WDR27: variants seen among roughly 807,000 people sequenced by gnomAD.
WDR27 encodes the protein WD repeat domain 27, also known as WD repeat-containing protein 27.
WDR27 carries 100 observed loss-of-function variants against 114.4 expected under a neutral mutation model. The observed-to-expected ratio is 0.87, with a 90% confidence interval of 0.74 to 1.03. The LOEUF (loss-of-function observed/expected upper bound fraction) is 1.03, where lower values mean the gene tolerates loss of function less well. WDR27 is among the 50% of genes least tolerant of loss of function. The probability of loss-of-function intolerance (pLI) is 0.00; values close to 1 mark genes in which losing one functional copy is unlikely to be tolerated. For synonymous variants in WDR27, 449 were observed against 423.1 expected (o/e 1.06, Z -0.75); for missense variants, 1,129 against 1,092.9 (o/e 1.03, Z -0.47).
chr6:169,570,124 C>G (rs1801137837), intron 25 of WDR27, among the ~76,000 whole-genome samples: 2 of 152,112 alleles, frequency 1.3e-5, no homozygotes, highest in Non-Finnish European at 2.9e-5. Flanking sequence ...CACGTGGACT[C>G]GGCAGATCTC....
At chr6:169,661,182 G>A (rs1562855395) in intron 9 of WDR27, among the ~76,000 whole-genome samples, 2 of 152,214 alleles carry the variant, frequency 1.3e-5, no homozygotes, top group Admixed American at 6.5e-5. Context: ...CTGTGAAGAC[G>A]CTCGCTCTGA....
At chr6:169,645,036 T>TAAAAAAAAAAAAAAAAAAAAA (rs369797685) in intron 16 of WDR27, among the ~76,000 whole-genome samples, 68 of 76,946 alleles carry the variant, frequency 8.8e-4, no homozygotes, top group Non-Finnish European at 1.3e-3. Flanking sequence ...AAAAAAAAAA[T>TAAAAAAAAAAAAAAAAAAAAA]AAAAAAAAAA....
In WDR27 at chr6:169,659,504, T is replaced by A; in HGVS notation, c.1144A>T (p.Ser382Cys). Residue 382 changes from serine (S) to cysteine (C), a missense_variant, in exon 11 of 26, where the codon AGC becomes TGC. Transcript: ENST00000448612. This position sits in a 1 kb window ranked among gnomAD's most constrained non-coding sequence, Gnocchi z 4.3. ...ALYYKDFQSL[S>C]ILLAGSCALR... is the part of the protein sequence containing the mutation. ...GCACACGATCCGGCCAGCAGGATGCTGAGGCTCTGGAAATCTTCAGTTGAG... is the reference window on the plus strand; with the variant it reads ...GCACACGATCCGGCCAGCAGGATGCAGAGGCTCTGGAAATCTTCAGTTGAG... 1 of 1,609,798 alleles carries A rather than the reference T, an allele frequency of 6.2e-7. No homozygotes were observed. Among genetic ancestry groups the A allele is most frequent in the South Asian group, 1.1e-5 (1 of 90,006 alleles).
chr6:169,551,501 A>C (rs1206655294), intron 25 of WDR27, among the ~76,000 whole-genome samples: 1 of 152,090 alleles, frequency 6.6e-6, no homozygotes, highest in Non-Finnish European at 1.5e-5. Context: ...TTAGGAGGCC[A>C]AGGTGGATGG....
intron 23 of WDR27, among the ~76,000 whole-genome samples, chr6:169,589,531 C>T (rs986043080): frequency 1.3e-5 from 2 of 152,112 alleles, no homozygotes; most frequent in Admixed American, 1.3e-4. Flanking sequence ...AAAACGTATC[C>T]AGGAAAGGCC....
chr6:169,524,692 C>G (rs150926633), intron 25 of WDR27, among the ~76,000 whole-genome samples: 60 of 152,242 alleles, frequency 3.9e-4, no homozygotes, highest in African/African-American at 1.2e-3. Flanking sequence ...AGGACAGTCT[C>G]TTCAATAAAT....
At position 169,530,120 on chromosome 6, in the gene WDR27, G is replaced by A. The variant is rs74720388; in HGVS notation, c.2645+42299C>T. ...CACAGCAATGAGTGTTTGCAGAGCC[G>A]AAAGCTCTGCCAGACCATCAGGAAC... is the stretch of plus-strand genomic sequence containing the variant. On this transcript the variant is annotated intron_variant, in intron 25 of 25. Transcript: ENST00000448612. 4.4e-3 allele frequency among the ~76,000 whole-genome samples: 665 copies of A among 152,264 alleles called. 5 individuals are homozygous for A. Among genetic ancestry groups the A allele is most frequent in the African/African-American group, 0.015 (640 of 41,554 alleles).
intron 25 of WDR27, among the ~76,000 whole-genome samples, chr6:169,513,199 G>C (rs1383729002): frequency 6.6e-6 from 1 of 152,166 alleles, no homozygotes; most frequent in African/African-American, 2.4e-5. Flanking sequence ...CACCTAGACA[G>C]TCTCCAGCAT....
At chr6:169,602,793 T>G (rs1808277456) in intron 22 of WDR27, among the ~76,000 whole-genome samples, 3 of 152,168 alleles carry the variant, frequency 2.0e-5, no homozygotes, top group Non-Finnish European at 4.4e-5. Flanking sequence ...TTCTTGTTAA[T>G]CATGTCCTAT....
At chr6:169,696,993 T>TA (rs1483324064) in intron 1 of WDR27, among the ~76,000 whole-genome samples, 1 of 151,480 alleles carries the variant, frequency 6.6e-6, no homozygotes, top group Non-Finnish European at 1.5e-5. Flanking sequence ...ATTTCCAAAA[T>TA]AAAGACAGTG....
intron 2 of WDR27, among the ~76,000 whole-genome samples, chr6:169,674,541 G>A (rs748353485): frequency 1.1e-4 from 16 of 151,908 alleles, no homozygotes; most frequent in Non-Finnish European, 2.1e-4. Flanking sequence ...ATGAAAGAGA[G>A]AAAAAATACA....
At chr6:169,667,944 G>A (rs995669765) in intron 5 of WDR27, 38 bp downstream of exon 5, 24 of 1,569,926 alleles carry the variant, frequency 1.5e-5, no homozygotes, top group Middle Eastern at 2.1e-4. Context: ...TCCACAGCAC[G>A]TGCCACGCGG....
At chr6:169,688,762 A>G in intron 2 of WDR27, 55 bp downstream of exon 2, 1 of 1,425,772 alleles carries the variant, frequency 7.0e-7, no homozygotes, top group Non-Finnish European at 9.4e-7. Flanking sequence ...CATCAAAGAC[A>G]TGGAGAGACA....
At chr6:169,660,844 T>C (rs1294123366) in intron 9 of WDR27, 78 bp from the exon 10 acceptor site, 28 of 1,257,982 alleles carry the variant, frequency 2.2e-5, no homozygotes, top group Non-Finnish European at 3.0e-5. Context: ...CCCCCTGGCC[T>C]GGCTGTGAGC....
At chr6:169,445,514 G>T in the WDR27 span, among the ~76,000 whole-genome samples, 1 of 152,210 alleles carries the variant, frequency 6.6e-6, no homozygotes, top group Admixed American at 6.5e-5. Context: ...GTGGTGTTGG[G>T]AGAACTGAAT....
At chr6:169,678,000 G>A (rs1258836892) in intron 2 of WDR27, among the ~76,000 whole-genome samples, 1 of 152,250 alleles carries the variant, frequency 6.6e-6, no homozygotes, top group African/African-American at 2.4e-5. Flanking sequence ...GCCTGCTGCA[G>A]GAGTGGAGCC....
At chr6:169,653,123 C>G (rs1225225069) in intron 13 of WDR27, among the ~76,000 whole-genome samples, 1 of 152,216 alleles carries the variant, frequency 6.6e-6, no homozygotes, top group African/African-American at 2.4e-5. Flanking sequence ...GGAGGCACTG[C>G]TCGCCACTCA....
intron 23 of WDR27, among the ~76,000 whole-genome samples, chr6:169,599,770 C>T (rs184210921): frequency 0.021 from 3,120 of 152,158 alleles, 65 homozygotes; most frequent in East Asian, 0.087. Context: ...TTCAGTTCTG[C>T]TCTGATCTTA....
At chr6:169,660,857 T>C in intron 9 of WDR27, 91 bp from the exon 10 acceptor site, 2 of 1,087,616 alleles carry the variant, frequency 1.8e-6, no homozygotes, top group Non-Finnish European at 2.6e-6. Context: ...CTGTGAGCTC[T>C]CCGCAGGAGT....
Sources: allele counts gnomAD v4.1 joint callset (sites outside exome capture counted in the v4.1 genomes callset), GRCh38; gene constraint gnomAD v4.1.1; non-coding constraint Gnocchi (gnomAD v3.1); transcripts MANE v1.5; gene names NCBI Gene and HGNC (gene_info 2026-07-23, HGNC 2026-07-21).